ZNF766: variants seen among roughly 807,000 people sequenced by gnomAD.
The protein encoded by ZNF766 is zinc finger protein 766.
A neutral mutation model predicts 13.2 loss-of-function variants in ZNF766; 13 were observed. The observed-to-expected ratio is 0.98, with a 90% CI of 0.64 to 1.56. ZNF766 has a LOEUF of 1.56. Among genes scored for constraint, ZNF766 ranks in the 40% most tolerant of loss-of-function variants. ZNF766 has a pLI of 0.00. For synonymous variants in ZNF766, 178 were observed against 187.6 expected, an observed-to-expected ratio of 0.95 and a Z score of 0.42; for missense variants, 521 against 552.2, an observed-to-expected ratio of 0.94 and a Z score of 0.57.
In ZNF766 at chr19:52,290,588, C is replaced by T; in HGVS notation, c.797C>T (p.Thr266Ile). The T allele has an allele frequency of 6.2e-7, 1 of 1,614,058 alleles. No homozygotes were observed. The highest frequency in any genetic ancestry group is 1.1e-5 in the South Asian group (1 of 91,070). Residue 266 changes from threonine (T) to isoleucine (I), a missense_variant, in exon 4 of 4, where the codon ACT (threonine) becomes ATT (isoleucine). Transcript: ENST00000439461. Reference protein sequence around the residue: ...AYLARHEKVHTGESPYKCNEC... With the variant: ...AYLARHEKVHIGESPYKCNEC... ...CTTGCACGACACGAGAAAGTGCATA[C>T]TGGAGAGAGTCCTTACAAATGTAAT...
Position 52,290,909 on chromosome 19 carries a change from A to G in ZNF766, c.1118A>G (p.His373Arg). ...AFRHKFSLTV[H>R]QRNHNGEKPY... is the part of the protein sequence containing the mutation. The stretch of plus-strand genomic sequence containing the variant: ...AGGCACAAGTTCTCCCTGACAGTTC[A>G]TCAGAGAAATCATAATGGAGAGAAA... Residue 373 changes from histidine (H) to arginine (R), a missense_variant, in exon 4 of 4, where the codon CAT (histidine) becomes CGT (arginine). Physicochemically the swap from His to Arg is conservative, Grantham distance 29 (BLOSUM62 0). Transcript: ENST00000439461. 1 of 1,614,210 alleles carries G rather than the reference A, an allele frequency of 6.2e-7. No individual in the cohort carries two copies. Among genetic ancestry groups the G allele is most frequent in the Non-Finnish European group, 8.5e-7 (1 of 1,180,034 alleles).
In ZNF766 at chr19:52,293,101, T is replaced by C. The variant is rs1395678985; in HGVS notation, c.*1903T>C. On this transcript the variant is annotated 3_prime_UTR_variant, in exon 4 of 4. Transcript: ENST00000439461. ...TGTCACTGTGATAGTTTGCTGAGAA[T>C]GATGGTTTCCAGCTTCATCAATGTC... 4 of 152,044 alleles carry C rather than the reference T, an allele frequency of 2.6e-5. No individual in the cohort carries two copies. The highest frequency in any genetic ancestry group is 5.9e-5 in the Non-Finnish European group (4 of 68,042). 9.4% of individuals were successfully genotyped at this position (152,044 alleles called of 1,614,324 possible).
At chr19:52,286,323 T>C (rs1183519247) in intron 3 of ZNF766, among the ~76,000 whole-genome samples, 2 of 110,500 alleles carry the variant, frequency 1.8e-5, no homozygotes, top group African/African-American at 9.3e-5. Flanking sequence ...TTTTTCTTTC[T>C]TTTTTTTTTT....
intron 3 of ZNF766, among the ~76,000 whole-genome samples, chr19:52,289,153 G>GTTTTT (rs61647050): frequency 3.1e-4 from 41 of 133,468 alleles, no homozygotes; most frequent in African/African-American, 6.5e-4. Flanking sequence ...ACCGCATGTG[G>GTTTTT]TTTTTTTTTT....
intron 3 of ZNF766, chr19:52,284,932 C>G (rs1019242711): frequency 6.6e-5 from 10 of 152,086 alleles, no homozygotes; most frequent in African/African-American, 1.9e-4. Context: ...TGGAAGCTCT[C>G]AGGAACTTTT....
chr19:52,279,789 CTTTTTTTTTTTTTTTTT>C (rs984101828), intron 1 of ZNF766, among the ~76,000 whole-genome samples: 1 of 64,878 alleles, frequency 1.5e-5, no homozygotes, highest in Non-Finnish European at 2.6e-5. Flanking sequence ...TTTACCTTTT[CTTTTTTTTTTTTTTTTT>C]TTTTTTTGAG....
intron 1 of ZNF766, among the ~76,000 whole-genome samples, chr19:52,273,389 G>T (rs1981058803): frequency 6.6e-6 from 1 of 152,138 alleles, no homozygotes; most frequent in African/African-American, 2.4e-5. Context: ...GAAATTCTTT[G>T]GAGGTATGGG....
chr19:52,274,261 A>G (rs900744919), intron 1 of ZNF766, among the ~76,000 whole-genome samples: 3 of 152,154 alleles, frequency 2.0e-5, no homozygotes, highest in African/African-American at 7.2e-5. Flanking sequence ...ACCCTTATAT[A>G]AAATTGCATA....
intron 1 of ZNF766, 68 bp downstream of exon 1, chr19:52,269,699 T>TG: frequency 1.9e-6 from 3 of 1,592,422 alleles, no homozygotes; most frequent in South Asian, 1.1e-5. Flanking sequence ...ACCCGGGATG[T>TG]GGGGGGCGGT....
chr19:52,290,915 G>T lies in ZNF766; in HGVS notation c.1124G>T (p.Arg375Ile), dbSNP rs755383163. 11 of 1,613,992 alleles carry T rather than the reference G, an allele frequency of 6.8e-6. No homozygotes were observed. In the Admixed American group the frequency reaches 1.0e-4, roughly 15 times the overall value. Residue 375 changes from arginine to isoleucine, a missense_variant, in exon 4 of 4, where the codon AGA becomes ATA. Physicochemically the swap from Arg to Ile is moderately conservative, Grantham distance 97 (BLOSUM62 -3). Transcript: ENST00000439461. ...RHKFSLTVHQ[R>I]NHNGEKPYKC... ...AAGTTCTCCCTGACAGTTCATCAGA[G>T]AAATCATAATGGAGAGAAACCTTAT...
rs745861526 is a variant in ZNF766, at chr19:52,283,431, CAG to C, written c.274+21_274+22del. ...CAACACAGGTAAGAGCTCAGATGGA[CAG>C]AGTGAAAGCCACACTTTTTTTTTTT... On this transcript the variant is annotated intron_variant, in intron 3 of 3. Transcript: ENST00000439461. The C allele has an allele frequency of 2.0e-5, 31 of 1,540,356 alleles. No homozygotes were observed. The highest frequency in any genetic ancestry group is 2.6e-6 in the Non-Finnish European group (3 of 1,145,432).
At chr19:52,285,574 G>A (rs753073698) in intron 3 of ZNF766, among the ~76,000 whole-genome samples, 2 of 152,226 alleles carry the variant, frequency 1.3e-5, no homozygotes, top group African/African-American at 2.4e-5. Context: ...AGGTATGGGG[G>A]AAGGACTGTG....
intron 1 of ZNF766, among the ~76,000 whole-genome samples, chr19:52,279,773 TC>T (rs1981391839): frequency 6.7e-6 from 1 of 150,194 alleles, no homozygotes; most frequent in Non-Finnish European, 1.5e-5. Flanking sequence ...GTTTTTTTTT[TC>T]ATGATTTACC....
intron 1 of ZNF766, among the ~76,000 whole-genome samples, chr19:52,281,141 G>A (rs932392645): frequency 6.6e-6 from 1 of 150,692 alleles, no homozygotes; most frequent in East Asian, 2.0e-4. Context: ...GGCAACAAGA[G>A]CAAAACTCCA....
chr19:52,283,912 AT>A (rs1981675342), intron 3 of ZNF766, among the ~76,000 whole-genome samples: 1 of 151,962 alleles, frequency 6.6e-6, no homozygotes, highest in African/African-American at 2.4e-5. Flanking sequence ...TAATTTTTGT[AT>A]TTTTAGTACA....
At chr19:52,276,109 A>G (rs1190347405) in intron 1 of ZNF766, among the ~76,000 whole-genome samples, 1 of 152,250 alleles carries the variant, frequency 6.6e-6, no homozygotes, top group Non-Finnish European at 1.5e-5. Flanking sequence ...TATATATACC[A>G]GATGTGTAGT....
At chr19:52,271,762 C>G (rs958812689) in intron 1 of ZNF766, among the ~76,000 whole-genome samples, 4 of 152,156 alleles carry the variant, frequency 2.6e-5, no homozygotes, top group African/African-American at 9.7e-5. Flanking sequence ...GAGTTCCAGA[C>G]CAGCCTGGCC....
chr19:52,291,872 CAAGAT>C lies in ZNF766; in HGVS notation c.*678_*682del. 2.7e-6 allele frequency: 1 copy of C among 366,316 alleles called. No homozygotes were observed. The highest frequency in any genetic ancestry group is 4.9e-6 in the Non-Finnish European group (1 of 204,702). The allele number at this position is 366,316 out of a possible 1,614,324, so 22.7% of individuals were successfully genotyped here. ...GGAGGGTCACTTGATGCCTGGAGAT[CAAGAT>C]AAGTATGGGCAACGTAGCAAGGCCC... is the stretch of plus-strand genomic sequence containing the variant. On this transcript the variant is annotated 3_prime_UTR_variant, in exon 4 of 4. Transcript: ENST00000439461.
At chr19:52,270,303 A>G (rs996573366) in intron 1 of ZNF766, among the ~76,000 whole-genome samples, 7 of 152,156 alleles carry the variant, frequency 4.6e-5, no homozygotes, top group African/African-American at 1.7e-4. Context: ...AAATTTAGAG[A>G]GAAAATAATG....
Sources: allele counts gnomAD v4.1 joint callset (sites outside exome capture counted in the v4.1 genomes callset), GRCh38; gene constraint gnomAD v4.1.1; transcripts MANE v1.5; gene names NCBI Gene and HGNC (gene_info 2026-07-23, HGNC 2026-07-21).